Variants in RNF128 observed in about 807,000 individuals in gnomAD.
The protein encoded by RNF128 is E3 ubiquitin-protein ligase RNF128.
In RNF128, 13 loss-of-function variants were observed where a neutral mutation model predicts 26.2. That is an observed-to-expected ratio of 0.50 (90% CI 0.32 to 0.79). The LOEUF (loss-of-function observed/expected upper bound fraction) is 0.79. RNF128 is among the 30% of genes least tolerant of loss of function. The pLI, the probability that RNF128 is intolerant of heterozygous loss-of-function variation, is 0.03. For synonymous variants in RNF128, 149 were observed against 142.5 expected, an observed-to-expected ratio of 1.05 and a Z score of -0.32; for missense variants, 315 against 349.7, an observed-to-expected ratio of 0.90 and a Z score of 0.79.
intron 1 of RNF128, among the ~76,000 whole-genome samples, chrX:106,764,951 GA>G (rs1243425047): frequency 9.0e-6 from 1 of 110,903 alleles, no homozygotes; most frequent in Non-Finnish European, 1.9e-5. Context: ...TAAATAAATA[GA>G]AAAAAAGGGC....
Position 106,727,315 on chromosome X carries a change from G to A in RNF128, c.402G>A (p.Leu134=), listed in dbSNP as rs370102440. ...GCACCTTCGCAGACAAGATCCATCT[G>A]GCTTATGAGAGAGGGGCGTCTGGAG... The part of the protein sequence containing the change: ...GGCTFADKIH[L]AYERGASGAV... The change falls in exon 1 of 7, where the codon CTG becomes CTA. Residue 134 remains leucine (L), a synonymous_variant. Transcript: ENST00000255499. 1 of 1,209,946 alleles carries A rather than the reference G, an allele frequency of 8.3e-7. No individual in the cohort carries two copies. Among genetic ancestry groups the A allele is most frequent in the African/African-American group, 1.8e-5 (1 of 57,140 alleles).
chrX:106,700,185 G>A (rs1001776450), intron 1 of RNF128, among the ~76,000 whole-genome samples: 1 of 109,141 alleles, frequency 9.2e-6, no homozygotes, highest in African/African-American at 3.3e-5. Flanking sequence ...ATCACACCAG[G>A]CAATTTTATT....
At chrX:106,703,827 G>A (rs1474915414) in intron 1 of RNF128, among the ~76,000 whole-genome samples, 1 of 110,203 alleles carries the variant, frequency 9.1e-6, no homozygotes, top group East Asian at 2.9e-4. Context: ...TCAGAAAGTG[G>A]GATATTTCTG....
chrX:106,786,242 G>T (rs997075460), intron 3 of RNF128, among the ~76,000 whole-genome samples: 1 of 111,801 alleles, frequency 8.9e-6, no homozygotes, highest in Non-Finnish European at 1.9e-5. Context: ...CAAAGAAACA[G>T]AAGAGAGAGT....
chrX:106,765,539 T>C (rs1298235582), intron 1 of RNF128, among the ~76,000 whole-genome samples: 2 of 110,828 alleles, frequency 1.8e-5, no homozygotes, highest in Admixed American at 1.9e-4. Flanking sequence ...CCCAAATAAA[T>C]AGAAAAAAGG....
At chrX:106,790,410 A>G (rs913201010) in intron 5 of RNF128, 128 bp downstream of exon 5, 2 of 395,409 alleles carry the variant, frequency 5.1e-6, no homozygotes, top group Non-Finnish European at 9.0e-6. Context: ...AACCAGACAT[A>G]TTTATATCAT....
chrX:106,734,607 A>G (rs1401385661), intron 1 of RNF128, among the ~76,000 whole-genome samples: 1 of 111,518 alleles, frequency 9.0e-6, no homozygotes, highest in Non-Finnish European at 1.9e-5. Flanking sequence ...TGTATATGTA[A>G]GTTCTATCGA....
intron 2 of RNF128, among the ~76,000 whole-genome samples, chrX:106,775,476 T>G (rs1271251085): frequency 2.7e-5 from 3 of 111,997 alleles, no homozygotes; most frequent in Non-Finnish European, 5.6e-5. Context: ...TAATACATCT[T>G]ATGATAATTA....
chrX:106,723,268 C>T (rs180909492), upstream of RNF128, among the ~76,000 whole-genome samples: 225 of 111,683 alleles, frequency 2.0e-3, no homozygotes, highest in South Asian at 3.8e-3. Context: ...TGAGTCCGTA[C>T]GCTTTAATAT....
chrX:106,778,957 A>G (rs962137037), intron 2 of RNF128, among the ~76,000 whole-genome samples: 7 of 111,979 alleles, frequency 6.3e-5, no homozygotes, highest in Admixed American at 9.5e-5. Context: ...CTATTAACAT[A>G]TATACATTTG....
At chrX:106,758,162 A>C (rs1196212433) in intron 1 of RNF128, among the ~76,000 whole-genome samples, 1 of 112,329 alleles carries the variant, frequency 8.9e-6, no homozygotes, top group East Asian at 2.8e-4. Flanking sequence ...AAAGAAATCA[A>C]GTAAGTATTC....
At chrX:106,782,038 TAATA>T (rs981497155) in intron 2 of RNF128, among the ~76,000 whole-genome samples, 7 of 112,561 alleles carry the variant, frequency 6.2e-5, no homozygotes, top group Admixed American at 5.7e-4. Flanking sequence ...CATTAATGCC[TAATA>T]AATTGATAAG....
chrX:106,727,195 C>T lies in RNF128; in HGVS notation c.282C>T (p.Asn94=), dbSNP rs143055519. 1,686 of 1,210,288 alleles carry T rather than the reference C, an allele frequency of 1.4e-3. 7 individuals carry two copies. The highest frequency in any genetic ancestry group is 1.0e-3 in the Non-Finnish European group (904 of 895,147). Residue 94 remains asparagine (N), a synonymous_variant, in exon 1 of 7, where the codon AAC becomes AAT. Transcript: ENST00000255499. ...CGCCCGACGGGCCCGGGGCGCTTAA[C>T]GCCTGTAACCCGCACACGAATTTCA... The part of the protein sequence containing the change: ...LVPPDGPGAL[N]ACNPHTNFTV...
chrX:106,726,666 T>C, upstream of RNF128: 1 of 995,725 alleles, frequency 1.0e-6, no homozygotes, highest in Non-Finnish European at 1.3e-6. Context: ...TGGGCGGAGC[T>C]TCACGCTAAA....
In RNF128 at chrX:106,726,704, G is replaced by A. The variant is rs1411633420; in HGVS notation, c.-210G>A. ...CCCAGAGCCCGACGCGGCAGCCGCGGTAGCGGAGAAGACTGGAGCTCCGAG... is the reference window on the plus strand; with the variant it reads ...CCCAGAGCCCGACGCGGCAGCCGCGATAGCGGAGAAGACTGGAGCTCCGAG... On this transcript the variant is annotated 5_prime_UTR_variant, in exon 1 of 7. Coordinates refer to ENST00000255499, the MANE Select transcript of RNF128 (RefSeq NM_194463.2). 6 of 1,027,591 alleles carry A rather than the reference G, an allele frequency of 5.8e-6. No homozygotes were observed. Among genetic ancestry groups the A allele is most frequent in the Non-Finnish European group, 7.4e-6 (6 of 811,314 alleles). 84.7% of individuals were successfully genotyped at this position (1,027,591 alleles called of 1,213,427 possible). A position where few individuals can be genotyped will look rare whatever the true frequency, so the allele number is the denominator to read the frequency against.
chrX:106,696,553 C>T (rs1928876527), intron 1 of RNF128, among the ~76,000 whole-genome samples: 1 of 110,997 alleles, frequency 9.0e-6, no homozygotes, highest in Non-Finnish European at 1.9e-5. Flanking sequence ...GGGGGAAATC[C>T]TCCTACAATA....
chrX:106,784,500 G>A (rs745416928), intron 2 of RNF128, among the ~76,000 whole-genome samples: 11 of 111,800 alleles, frequency 9.8e-5, no homozygotes, highest in African/African-American at 3.6e-4. Flanking sequence ...TTAAGCAATC[G>A]TGGTTATAAG....
chrX:106,705,347 C>A (rs1440183536), intron 1 of RNF128, among the ~76,000 whole-genome samples: 2 of 111,929 alleles, frequency 1.8e-5, no homozygotes, highest in East Asian at 5.6e-4. Context: ...TTTGTTATGA[C>A]TAATGCTAAT....
chrX:106,737,154 C>A (rs1459194982), intron 1 of RNF128, among the ~76,000 whole-genome samples: 2 of 111,409 alleles, frequency 1.8e-5, no homozygotes, highest in Non-Finnish European at 3.8e-5. Flanking sequence ...TTTGTAATGT[C>A]CCTAAAAGTC....
Sources: allele counts gnomAD v4.1 joint callset (sites outside exome capture counted in the v4.1 genomes callset), GRCh38; gene constraint gnomAD v4.1.1; transcripts MANE v1.5; gene names NCBI Gene and HGNC (gene_info 2026-07-23, HGNC 2026-07-21).